MAP2: variants seen among roughly 807,000 people sequenced by gnomAD.
The protein encoded by MAP2 is microtubule associated protein 2.
MAP2 carries 14 observed loss-of-function variants against 137.6 expected under a neutral mutation model. The observed-to-expected ratio is 0.10, with a 90% CI of 0.07 to 0.16. MAP2 has a LOEUF of 0.16. Ranked by LOEUF, MAP2 falls within the 10% of genes least tolerant of loss-of-function variation. The pLI, the probability that MAP2 is intolerant of heterozygous loss-of-function variation, is 1.00. For synonymous variants in MAP2, 786 were observed against 782.3 expected (o/e 1.00, Z -0.08); for missense variants, 2,088 against 2,191.5 (o/e 0.95, Z 0.94).
intron 1 of MAP2, among the ~76,000 whole-genome samples, chr2:209,505,028 A>T (rs2150163499): frequency 6.6e-6 from 1 of 151,666 alleles, no homozygotes; most frequent in Admixed American, 6.6e-5. Context: ...CATATTTTAG[A>T]GACATATTTT....
chr2:209,648,765 G>T (rs1239266040), intron 4 of MAP2, among the ~76,000 whole-genome samples: 1 of 149,632 alleles, frequency 6.7e-6, no homozygotes, highest in Non-Finnish European at 1.5e-5. Flanking sequence ...CTCTAGCCTG[G>T]GTGACGGAGC....
intron 6 of MAP2, among the ~76,000 whole-genome samples, chr2:209,679,445 A>G (rs1293878622): frequency 6.6e-6 from 1 of 152,092 alleles, no homozygotes; most frequent in Non-Finnish European, 1.5e-5. Context: ...ACAAAGAGAT[A>G]CAGGAAAGGA....
At chr2:209,567,548 A>C (rs2073700848) in intron 2 of MAP2, among the ~76,000 whole-genome samples, 1 of 151,998 alleles carries the variant, frequency 6.6e-6, no homozygotes, top group African/African-American at 2.4e-5. Flanking sequence ...TACAATAGCT[A>C]TTTTTGCATT....
intron 1 of MAP2, among the ~76,000 whole-genome samples, chr2:209,439,831 T>C (rs1299780533): frequency 6.6e-6 from 1 of 151,478 alleles, no homozygotes; most frequent in African/African-American, 2.4e-5. Flanking sequence ...TACTGGGATA[T>C]ACAACATGAA....
chr2:209,476,140 A>C (rs1021768961), intron 1 of MAP2, among the ~76,000 whole-genome samples: 7 of 152,166 alleles, frequency 4.6e-5, no homozygotes, highest in African/African-American at 1.7e-4. Flanking sequence ...AATACTTTAA[A>C]AATGGGTATG....
At chr2:209,728,629 G>A (rs1190671241) in intron 14 of MAP2, among the ~76,000 whole-genome samples, 3 of 152,212 alleles carry the variant, frequency 2.0e-5, no homozygotes, top group Admixed American at 6.5e-5. Context: ...AAGAGACCGT[G>A]AAGCCTTAAC....
intron 1 of MAP2, among the ~76,000 whole-genome samples, chr2:209,466,437 ATAG>A (rs1441710730): frequency 6.6e-6 from 1 of 152,140 alleles, no homozygotes; most frequent in African/African-American, 2.4e-5. Context: ...AAAAGGACTA[ATAG>A]TAGTATCTTC....
intron 3 of MAP2, among the ~76,000 whole-genome samples, chr2:209,624,463 C>T (rs1254739004): frequency 6.6e-6 from 1 of 152,094 alleles, no homozygotes; most frequent in Non-Finnish European, 1.5e-5. Flanking sequence ...TTCTACATAC[C>T]ACTTCAGTAA....
At chr2:209,528,157 A>AT (rs1218691952) in intron 2 of MAP2, among the ~76,000 whole-genome samples, 3 of 147,964 alleles carry the variant, frequency 2.0e-5, no homozygotes, top group Non-Finnish European at 4.5e-5. Context: ...CTGGGCTGTA[A>AT]TTCCCATTTA....
chr2:209,653,341 C>G lies in MAP2; in HGVS notation c.171C>G (p.Ala57=). 6.2e-7 allele frequency: 1 copy of G among 1,614,046 alleles called. No individual in the cohort carries two copies. Among genetic ancestry groups the G allele is most frequent in the Non-Finnish European group, 8.5e-7 (1 of 1,179,994 alleles). Residue 57 remains alanine (A), a synonymous_variant, in exon 5 of 16, where the codon GCC becomes GCG. Transcript: ENST00000682079. The stretch of plus-strand genomic sequence containing the variant: ...CATACAGGGAGGATGAAGAGGGTGC[C>G]TTTGGAGAGCATGGGTCACAGGGCA... The part of the protein sequence containing the change: ...GFPYREDEEG[A]FGEHGSQGTY...
chr2:209,617,873 G>A (rs1368210133), intron 3 of MAP2, among the ~76,000 whole-genome samples: 5 of 151,920 alleles, frequency 3.3e-5, no homozygotes, highest in African/African-American at 4.8e-5. Context: ...TATTGTGTAC[G>A]TATATGGTTT....
At chr2:209,516,906 G>C (rs577905080) in intron 2 of MAP2, among the ~76,000 whole-genome samples, 1 of 152,182 alleles carries the variant, frequency 6.6e-6, no homozygotes, top group African/African-American at 2.4e-5. Context: ...GAGAGAAATC[G>C]TACTTACATA....
chr2:209,673,408 G>C (rs1350120170), intron 5 of MAP2, among the ~76,000 whole-genome samples: 1 of 151,542 alleles, frequency 6.6e-6, no homozygotes, highest in Non-Finnish European at 1.5e-5. Context: ...CCAATGTAAG[G>C]GTCTTACTGC....
At chr2:209,713,694 T>G (rs1157902146) in intron 13 of MAP2, among the ~76,000 whole-genome samples, 3 of 152,202 alleles carry the variant, frequency 2.0e-5, no homozygotes, top group African/African-American at 7.2e-5. Context: ...CTGCTTCAGT[T>G]AAACAAAGGT....
chr2:209,605,572 A>C (rs1435585289), intron 3 of MAP2, among the ~76,000 whole-genome samples: 1 of 152,126 alleles, frequency 6.6e-6, no homozygotes, highest in African/African-American at 2.4e-5. Flanking sequence ...ACTTCCCCAC[A>C]AGTTTTATTA....
intron 14 of MAP2, among the ~76,000 whole-genome samples, chr2:209,726,674 G>T (rs1293566137): frequency 6.6e-6 from 1 of 152,160 alleles, no homozygotes; most frequent in Non-Finnish European, 1.5e-5. Flanking sequence ...TGAGGCAAGA[G>T]GATCACTTAG....
intron 11 of MAP2, among the ~76,000 whole-genome samples, chr2:209,703,208 C>A (rs1273623152): frequency 6.6e-6 from 1 of 152,050 alleles, no homozygotes; most frequent in Non-Finnish European, 1.5e-5. Context: ...ATAACTTAAT[C>A]CACAGTATGT....
At chr2:209,510,848 T>G (rs1202502652) in intron 2 of MAP2, among the ~76,000 whole-genome samples, 2 of 152,208 alleles carry the variant, frequency 1.3e-5, no homozygotes, top group Non-Finnish European at 2.9e-5. Context: ...AATCAAAAGC[T>G]AAATGATTTT....
chr2:209,608,329 C>T (rs1377585324), intron 3 of MAP2, among the ~76,000 whole-genome samples: 1 of 151,864 alleles, frequency 6.6e-6, no homozygotes, highest in Non-Finnish European at 1.5e-5. Context: ...TGCTGTGTCA[C>T]CCAGGCTAGT....
Sources: gnomAD v4.1 joint callset for allele counts (sites outside exome capture counted in the v4.1 genomes callset) on GRCh38, gnomAD v4.1.1 for gene constraint, MANE v1.5 for transcripts, NCBI Gene and HGNC (gene_info 2026-07-23, HGNC 2026-07-21) for gene names.